The following HERC5 variants were observed in gnomAD, a reference collection of about 807,000 sequenced individuals.
The protein encoded by HERC5 is HECT and RLD domain containing E3 ubiquitin protein ligase 5.
HERC5 carries 99 observed loss-of-function variants against 119.6 expected under a neutral mutation model. The observed-to-expected ratio is 0.83, with a 90% CI of 0.70 to 0.98. The LOEUF (loss-of-function observed/expected upper bound fraction) is 0.98. Ranked by LOEUF, HERC5 falls within the 50% of genes least tolerant of loss-of-function variation. The probability of loss-of-function intolerance (pLI) is 0.00; values close to 1 mark genes in which losing one functional copy is unlikely to be tolerated. For missense variants in HERC5, 1,267 were observed against 1,241.3 expected, an observed-to-expected ratio of 1.02 and a Z score of -0.31; for synonymous variants, 478 against 445.9, an observed-to-expected ratio of 1.07 and a Z score of -0.91.
intron 1 of HERC5, 145 bp downstream of exon 1, chr4:88,457,679 G>A (rs961369407): frequency 1.0e-6 from 1 of 956,884 alleles, no homozygotes; most frequent in Non-Finnish European, 1.4e-6. Flanking sequence ...TAGTTTCGCC[G>A]ACGGCGCACC....
chr4:88,463,626 G>A lies in HERC5; in HGVS notation c.780+3G>A. On this transcript the variant is annotated splice_donor_region_variant and intron_variant, in intron 5 of 22. Coordinates refer to ENST00000264350, the MANE Select transcript of HERC5 (RefSeq NM_016323.4). ...CTCACAGTGCCCTACTCACACAGGT[G>A]GGTGTACCCTTGTCTCTTTTTGGCT... is the stretch of plus-strand genomic sequence containing the variant. 2.5e-6 allele frequency: 4 copies of A among 1,609,708 alleles called. No homozygotes were observed. Among genetic ancestry groups the A allele is most frequent in the South Asian group, 2.2e-5 (2 of 90,846 alleles).
intron 1 of HERC5, 61 bp from the exon 2 acceptor site, chr4:88,459,282 GAAGT>G: frequency 1.6e-6 from 2 of 1,286,526 alleles, no homozygotes; most frequent in South Asian, 4.3e-5. Flanking sequence ...GTATTATAAT[GAAGT>G]TAGTAATACA....
chr4:88,497,144 G>A (rs373878600), intron 18 of HERC5, among the ~76,000 whole-genome samples: 11 of 152,286 alleles, frequency 7.2e-5, no homozygotes, highest in African/African-American at 2.4e-4. Context: ...TTATGGCAGC[G>A]TAAATGGACT....
rs368712793 is a variant in HERC5, at chr4:88,462,142, G to A, written c.474G>A (p.Glu158=). ...TGCTTTGTTTATGTCAAGGTGGTGA[G>A]CTTTTTGCCTGGGGACAGAACCTGC... ...YHSLALSKGG[E]LFAWGQNLHG... is the part of the protein sequence containing the mutation. Residue 158 remains glutamate (E), a synonymous_variant, in exon 4 of 23, where the codon GAG becomes GAA. Transcript: ENST00000264350. 2.4e-5 allele frequency: 39 copies of A among 1,613,488 alleles called. No individual in the cohort carries two copies. The highest frequency in any genetic ancestry group is 3.2e-5 in the Non-Finnish European group (38 of 1,179,796).
rs1051660005 is a variant in HERC5, at chr4:88,468,236, A to G, written c.1058-110A>G. The G allele has an allele frequency of 1.1e-5, 8 of 759,234 alleles. No homozygotes were observed. In the African/African-American group the frequency reaches 1.2e-4, roughly 12 times the overall value. The allele number at this position is 759,234 out of a possible 1,614,324, so 47.0% of individuals were successfully genotyped here. The stretch of plus-strand genomic sequence containing the variant: ...GAAAATGTACTAAGTTTTGTCTATT[A>G]AGAAGAAAAGATGACTACGTTTAAG... On this transcript the variant is annotated intron_variant, in intron 7 of 22. Coordinates refer to ENST00000264350, the MANE Select transcript of HERC5 (RefSeq NM_016323.4).
At chr4:88,479,092 C>T (rs541289593) in intron 12 of HERC5, among the ~76,000 whole-genome samples, 1 of 151,958 alleles carries the variant, frequency 6.6e-6, no homozygotes, top group Non-Finnish European at 1.5e-5. Context: ...TCAAGACCAG[C>T]CTGGCCAACA....
rs1258431532 is a variant in HERC5 at position 88,472,461 on chromosome 4, A to C, written c.1351A>C (p.Ile451Leu). ...TTTGGACTTAAATAAAGCAAGAAAC[A>C]TCTTCAAGGAGTTAACCCAAAAGGA... is the stretch of plus-strand genomic sequence containing the variant. ...VYLDLNKARNIFKELTQKDWI... is the reference protein window; with the variant it reads ...VYLDLNKARNLFKELTQKDWI... Residue 451 changes from isoleucine to leucine, a missense_variant, in exon 11 of 23, where the codon ATC becomes CTC. Around this residue, in one of 3 missense-constraint regions of HERC5, gnomAD observed 777 missense variants for 758.0 expected, o/e 1.03. Transcript: ENST00000264350. 1 of 1,603,962 alleles carries C rather than the reference A, an allele frequency of 6.2e-7. No homozygotes were observed. Among genetic ancestry groups the C allele is most frequent in the South Asian group, 1.1e-5 (1 of 89,960 alleles).
intron 9 of HERC5, among the ~76,000 whole-genome samples, 163 bp downstream of exon 9, chr4:88,469,423 CT>C (rs1740788833): frequency 6.6e-6 from 1 of 152,184 alleles, no homozygotes; most frequent in South Asian, 2.1e-4. Flanking sequence ...TCTATCATGT[CT>C]GTCTGTCCAT....
intron 12 of HERC5, 78 bp downstream of exon 12, chr4:88,476,108 A>G (rs1436229865): frequency 8.8e-7 from 1 of 1,136,698 alleles, no homozygotes; most frequent in East Asian, 2.4e-5. Flanking sequence ...GGCAAAACTA[A>G]GATACTTAGA....
At chr4:88,498,849 G>A (rs1741871519) in intron 18 of HERC5, among the ~76,000 whole-genome samples, 1 of 152,328 alleles carries the variant, frequency 6.6e-6, no homozygotes, top group African/African-American at 2.4e-5. Flanking sequence ...GGGATTACAG[G>A]CGTGAGCCAC....
At chr4:88,473,783 G>C (rs1304960593) in intron 11 of HERC5, 3 of 152,168 alleles carry the variant, frequency 2.0e-5, no homozygotes, top group Admixed American at 1.3e-4. Context: ...ACCAAAAATA[G>C]AAGCCCTTTT....
intron 22 of HERC5, among the ~76,000 whole-genome samples, chr4:88,505,249 C>T (rs1380215173): frequency 6.6e-6 from 1 of 152,166 alleles, no homozygotes; most frequent in African/African-American, 2.4e-5. Flanking sequence ...TGAACCTCAC[C>T]TACCTCCTTG....
At chr4:88,494,512 G>T (rs1206375423) in intron 18 of HERC5, among the ~76,000 whole-genome samples, 181 bp downstream of exon 18, 1 of 152,178 alleles carries the variant, frequency 6.6e-6, no homozygotes, top group Non-Finnish European at 1.5e-5. Context: ...AGGAAGTGTT[G>T]ATTATTCCCA....
chr4:88,470,151 A>G (rs780422039), intron 9 of HERC5, among the ~76,000 whole-genome samples: 9 of 152,266 alleles, frequency 5.9e-5, no homozygotes, highest in Non-Finnish European at 4.4e-5. Flanking sequence ...TGCACAAAAT[A>G]GTTGCATCAT....
At chr4:88,498,292 A>G (rs1205601349) in intron 18 of HERC5, among the ~76,000 whole-genome samples, 7 of 152,200 alleles carry the variant, frequency 4.6e-5, no homozygotes, top group African/African-American at 1.7e-4. Flanking sequence ...GGGAGAATCA[A>G]AAGCACCCAA....
At chr4:88,484,597 T>C (rs1182950168) in intron 13 of HERC5, among the ~76,000 whole-genome samples, 1 of 152,220 alleles carries the variant, frequency 6.6e-6, no homozygotes, top group Non-Finnish European at 1.5e-5. Flanking sequence ...GTTTGCCTTG[T>C]GGTCCTGGGG....
At chr4:88,471,631 ACC>A (rs1740872803) in intron 10 of HERC5, among the ~76,000 whole-genome samples, 1 of 152,054 alleles carries the variant, frequency 6.6e-6, no homozygotes, top group Non-Finnish European at 1.5e-5. Context: ...GAGCTACCGC[ACC>A]CAGCCGGTAA....
chr4:88,475,117 CTTTTTT>C (rs764084976), intron 11 of HERC5, among the ~76,000 whole-genome samples: 1 of 109,954 alleles, frequency 9.1e-6, no homozygotes, highest in Non-Finnish European at 2.0e-5. Flanking sequence ...CGGATTTTGT[CTTTTTT>C]TTTTTTTTTT....
intron 6 of HERC5, 152 bp downstream of exon 6, chr4:88,464,137 C>T (rs931063440): frequency 7.9e-6 from 4 of 508,124 alleles, no homozygotes; most frequent in Non-Finnish European, 1.3e-5. Flanking sequence ...AAATGTAATA[C>T]CCCTTTTACT....
Sources: allele counts gnomAD v4.1 joint callset (sites outside exome capture counted in the v4.1 genomes callset), GRCh38; gene constraint gnomAD v4.1.1; regional missense constraint gnomAD v4.1.1; transcripts MANE v1.5; gene names NCBI Gene and HGNC (gene_info 2026-07-23, HGNC 2026-07-21).